Variants in DNAH5 observed in about 807,000 individuals in gnomAD.
DNAH5 encodes axonemal beta dynein heavy chain 5.
A neutral mutation model predicts 518.2 loss-of-function variants in DNAH5; 372 were observed. The ratio of observed to expected loss-of-function variants is 0.72; its 90% CI spans 0.66 to 0.78. The LOEUF (loss-of-function observed/expected upper bound fraction) is 0.78, where lower values mean the gene tolerates loss of function less well. DNAH5 is among the 30% of genes least tolerant of loss of function. The probability of loss-of-function intolerance (pLI) is 0.00; values close to 1 mark genes in which losing one functional copy is unlikely to be tolerated. For missense variants in DNAH5, 5,523 were observed against 5,687.0 expected, an observed-to-expected ratio of 0.97 and a Z score of 0.93; for synonymous variants, 2,039 against 2,025.9, an observed-to-expected ratio of 1.01 and a Z score of -0.17.
intron 29 of DNAH5, among the ~76,000 whole-genome samples, chr5:13,861,989 T>C (rs1768513456): frequency 6.8e-6 from 1 of 146,430 alleles, no homozygotes; most frequent in Non-Finnish European, 1.5e-5. Flanking sequence ...AGTTCAAATG[T>C]ACCCCATAAA....
chr5:14,011,277 C>T (rs1342657620), intron 1 of DNAH5, among the ~76,000 whole-genome samples: 3 of 152,142 alleles, frequency 2.0e-5, no homozygotes, highest in South Asian at 2.1e-4. Flanking sequence ...CTCTGATGCT[C>T]GCTATGGGAC....
chr5:13,713,107 G>GTGTGTATATATATATATATATA (rs70962100), intron 75 of DNAH5, among the ~76,000 whole-genome samples: 1 of 139,924 alleles, frequency 7.1e-6, no homozygotes, highest in African/African-American at 2.7e-5. Flanking sequence ...GTGTGTGTGT[G>GTGTGTATATATATATATATATA]TATATATATA....
chr5:13,721,288 C>G, intron 70 of DNAH5, 43 bp from the exon 71 acceptor site: 1 of 1,613,228 alleles, frequency 6.2e-7, no homozygotes, highest in South Asian at 1.1e-5. Flanking sequence ...CATTCCAACT[C>G]TTTCATGTAG....
At chr5:13,979,179 C>T (rs1782492354) in intron 1 of DNAH5, among the ~76,000 whole-genome samples, 1 of 152,084 alleles carries the variant, frequency 6.6e-6, no homozygotes, top group Non-Finnish European at 1.5e-5. Flanking sequence ...AATGGCCTCC[C>T]CTATATGTAC....
rs933325807 is a variant in DNAH5 at position 13,892,391 on chromosome 5, G to C, written c.2432-1270C>G. Among the ~76,000 whole-genome samples the C allele has an allele frequency of 1.3e-5, 2 of 152,176 alleles. 1 individual carries two copies. The highest frequency in any genetic ancestry group is 4.1e-4 in the South Asian group (2 of 4,830). On this transcript the variant is annotated intron_variant, in intron 16 of 78. Transcript: ENST00000265104. ...GTGATCAAGTTAGGGATTATGTAATGTGCAGAGTGTCCCAGATTATCTATA... is the reference window on the plus strand; with the variant it reads ...GTGATCAAGTTAGGGATTATGTAATCTGCAGAGTGTCCCAGATTATCTATA...
intron 39 of DNAH5, 47 bp from the exon 40 acceptor site, chr5:13,823,417 A>G (rs886397035): frequency 1.6e-6 from 2 of 1,254,000 alleles, no homozygotes; most frequent in Non-Finnish European, 2.3e-6. Context: ...TGGTATAAAC[A>G]TATCAATATG....
chr5:13,919,364 C>CG lies in DNAH5; in HGVS notation c.799-13dup, dbSNP rs748494879. On this transcript the variant is annotated splice_polypyrimidine_tract_variant and intron_variant, in intron 6 of 78. Coordinates refer to ENST00000265104, the MANE Select transcript of DNAH5 (RefSeq NM_001369.3). Reference sequence around the variant, plus strand: ...TTTTCAGCAAGAACCTGCAAATGCGCGGGGAAAAACACGAGCCATTGCACG... The same window carrying CG: ...TTTTCAGCAAGAACCTGCAAATGCGCGGGGGAAAAACACGAGCCATTGCACG... 5.6e-6 allele frequency: 9 copies of CG among 1,612,622 alleles called. No individual in the cohort carries two copies. The Admixed American group carries it at 1.5e-4, about 27-fold the overall frequency.
At chr5:13,804,680 G>A (rs75959266) in intron 47 of DNAH5, among the ~76,000 whole-genome samples, 3,167 of 152,280 alleles carry the variant, frequency 0.021, 96 homozygotes, top group African/African-American at 0.069. Flanking sequence ...ATAGTGATGT[G>A]TTAACTCCAC....
rs1452715362 is a variant in DNAH5 at position 13,786,296 on chromosome 5, T to G, written c.8703A>C (p.Glu2901Asp). 1 of 1,614,038 alleles carries G rather than the reference T, an allele frequency of 6.2e-7. No homozygotes were observed. The highest frequency in any genetic ancestry group is 1.7e-5 in the Admixed American group (1 of 59,988). Residue 2901 changes from glutamate to aspartate, a missense_variant, in exon 52 of 79, where the codon GAA (glutamate) becomes GAC (aspartate). This residue lies in a region of DNAH5 where 5,121 missense variants were observed against 5,223.3 expected (regional missense o/e 0.98). Coordinates refer to ENST00000265104, the MANE Select transcript of DNAH5 (RefSeq NM_001369.3). Reference sequence around the variant, plus strand: ...GACGCTCTTTTAGGTGACTAAAAGATTCAATTGGCTCATAAATTTTAGGTG... The same window carrying G: ...GACGCTCTTTTAGGTGACTAAAAGAGTCAATTGGCTCATAAATTTTAGGTG... ...AETPKIYEPI[E>D]SFSHLKERLN...
chr5:13,847,403 T>C (rs541424471), intron 31 of DNAH5, among the ~76,000 whole-genome samples: 3 of 150,564 alleles, frequency 2.0e-5, no homozygotes, highest in African/African-American at 5.0e-5. Context: ...GAATAGAATA[T>C]GTTCATAGAA....
intron 44 of DNAH5, among the ~76,000 whole-genome samples, chr5:13,810,939 G>A (rs1382818954): frequency 1.3e-5 from 2 of 152,146 alleles, no homozygotes; most frequent in Non-Finnish European, 2.9e-5. Flanking sequence ...CAACATGAAT[G>A]GAACTGGAGG....
rs1202614038 is a variant in DNAH5, at chr5:13,974,201, T to A, written c.12+37447A>T. Among the ~76,000 whole-genome samples the A allele has an allele frequency of 3.3e-5, 5 of 151,434 alleles. No individual in the cohort carries two copies. The East Asian group carries it at 9.7e-4, about 29-fold the overall frequency. Reference sequence around the variant, plus strand: ...CCAAGGTTGGAGTGCAGTGGTGCGATCTTGGGTTACTGCAACCTCTGCCTC... The same window carrying A: ...CCAAGGTTGGAGTGCAGTGGTGCGAACTTGGGTTACTGCAACCTCTGCCTC... On this transcript the variant is annotated intron_variant, in intron 1 of 78. Coordinates refer to the DNAH5 transcript ENST00000681290.
intron 65 of DNAH5, among the ~76,000 whole-genome samples, chr5:13,744,410 A>T (rs1749044933): frequency 6.6e-6 from 1 of 151,984 alleles, no homozygotes; most frequent in African/African-American, 2.4e-5. Flanking sequence ...CAAATAAGTT[A>T]TAGTGTTTTA....
At chr5:13,724,371 T>C (rs568709268) in intron 70 of DNAH5, among the ~76,000 whole-genome samples, 1 of 152,212 alleles carries the variant, frequency 6.6e-6, no homozygotes, top group Non-Finnish European at 1.5e-5. Flanking sequence ...AATGGTAATA[T>C]TTACCCAATG....
intron 35 of DNAH5, among the ~76,000 whole-genome samples, chr5:13,839,043 C>G (rs1379154106): frequency 3.9e-5 from 6 of 151,978 alleles, no homozygotes; most frequent in Non-Finnish European, 7.4e-5. Flanking sequence ...TCAAGCAGCC[C>G]CCGCAAGGCC....
At position 13,900,193 on chromosome 5, in the gene DNAH5, A is replaced by T. The variant is rs1340798739; in HGVS notation, c.2259+13T>A. On this transcript the variant is annotated intron_variant, in intron 15 of 78. Transcript: ENST00000265104. The stretch of plus-strand genomic sequence containing the variant: ...CTAGCCAAGAATGGGGGGAAAAAAT[A>T]AAAGTAGTATACCTTCATGTTACTG... 6.2e-7 allele frequency: 1 copy of T among 1,604,864 alleles called. No homozygotes were observed.
At chr5:13,889,797 G>A (rs1439680469) in intron 17 of DNAH5, among the ~76,000 whole-genome samples, 1 of 152,124 alleles carries the variant, frequency 6.6e-6, no homozygotes, top group East Asian at 1.9e-4. Context: ...CCTGGACAGG[G>A]ACTCCCCAGA....
intron 1 of DNAH5, among the ~76,000 whole-genome samples, chr5:13,996,405 C>T (rs1783954827): frequency 6.6e-6 from 1 of 152,210 alleles, no homozygotes; most frequent in South Asian, 2.1e-4. Flanking sequence ...CCAGCTTCCA[C>T]TTTAAAGTCT....
intron 66 of DNAH5, 113 bp from the exon 67 acceptor site, chr5:13,736,045 G>C: frequency 3.8e-6 from 3 of 792,392 alleles, no homozygotes; most frequent in Non-Finnish European, 6.7e-6. Flanking sequence ...TTTAGGCAGT[G>C]GCTGCCTACC....
Sources: gnomAD v4.1 joint callset for allele counts (sites outside exome capture counted in the v4.1 genomes callset) on GRCh38, gnomAD v4.1.1 for gene constraint, gnomAD v4.1.1 regional missense constraint, MANE v1.5 for transcripts, NCBI Gene and HGNC (gene_info 2026-07-23, HGNC 2026-07-21) for gene names.